The following FAM186A variants were observed in gnomAD, a reference collection of about 807,000 sequenced individuals.
FAM186A encodes protein FAM186A.
FAM186A carries 163 observed loss-of-function variants against 216.8 expected under a neutral mutation model. The observed-to-expected ratio is 0.75, with a 90% CI of 0.66 to 0.86. The LOEUF (loss-of-function observed/expected upper bound fraction) is 0.86. Among genes scored for constraint, FAM186A ranks in the 40% least tolerant of loss-of-function variants. The probability of loss-of-function intolerance (pLI) is 0.00; values close to 1 mark genes in which losing one functional copy is unlikely to be tolerated. For synonymous variants in FAM186A, 805 were observed against 1,025.3 expected, an observed-to-expected ratio of 0.79 and a Z score of 4.10; for missense variants, 2,184 against 2,746.2, an observed-to-expected ratio of 0.80 and a Z score of 4.58.
chr12:50,354,960 A>G lies in FAM186A; in HGVS notation c.1872T>C (p.Thr624=), dbSNP rs1474746356. 1.3e-6 allele frequency: 2 copies of G among 1,549,656 alleles called. No homozygotes were observed. Among genetic ancestry groups the G allele is most frequent in the African/African-American group, 2.7e-5 (2 of 72,768 alleles). ...SGTITSKEEK[T]EEKEELTKQV... ...GTTTGGTCAACTCTTCCTTCTCTTC[A>G]GTTTTTTCTTCTTTGCTTGTGATAG... The change falls in exon 4 of 8, where the codon ACT becomes ACC. Residue 624 remains threonine (T), a synonymous_variant. Coordinates refer to ENST00000327337, the MANE Select transcript of FAM186A (RefSeq NM_001145475.3).
intron 4 of FAM186A, among the ~76,000 whole-genome samples, chr12:50,346,262 A>AAAGAAAGAAAGT (rs1436973309): frequency 1.3e-5 from 2 of 150,792 alleles, no homozygotes; most frequent in East Asian, 2.0e-4. Context: ...AGAAAGAAAG[A>AAAGAAAGAAAGT]AAGTCATACA....
intron 2 of FAM186A, among the ~76,000 whole-genome samples, chr12:50,362,900 G>A (rs1000139337): frequency 6.6e-6 from 1 of 152,086 alleles, no homozygotes; most frequent in Non-Finnish European, 1.5e-5. Flanking sequence ...TAAGGGAATA[G>A]TATGCATAAA....
intron 1 of FAM186A, among the ~76,000 whole-genome samples, chr12:50,377,276 A>C (rs933690657): frequency 2.6e-5 from 4 of 152,240 alleles, no homozygotes; most frequent in Non-Finnish European, 5.9e-5. Context: ...AATTTTTGAC[A>C]GAGGTGCAAA....
intron 1 of FAM186A, among the ~76,000 whole-genome samples, chr12:50,369,934 C>G (rs1332138384): frequency 2.6e-5 from 4 of 151,594 alleles, no homozygotes; most frequent in African/African-American, 7.3e-5. Flanking sequence ...ACCATCCTGA[C>G]TAACACAGTG....
chr12:50,394,583 A>T lies in FAM186A; in HGVS notation c.192+1710T>A, dbSNP rs189684265. 1.8e-4 allele frequency among the ~76,000 whole-genome samples: 28 copies of T among 151,610 alleles called. 1 individual carries two copies. The highest frequency in any genetic ancestry group is 3.7e-4 in the Non-Finnish European group (25 of 67,904). On this transcript the variant is annotated intron_variant, in intron 1 of 7. Transcript: ENST00000327337. ...AAAAAATCTATTTATCTATCTATCT[A>T]TCTACCTATCTACCTATAGAGAGAG...
At chr12:50,376,746 CTTT>C (rs55712994) in intron 1 of FAM186A, among the ~76,000 whole-genome samples, 6 of 142,706 alleles carry the variant, frequency 4.2e-5, no homozygotes, top group Non-Finnish European at 6.1e-5. Flanking sequence ...CTCTCTCTCT[CTTT>C]TTTTTTTTTT....
chr12:50,348,319 G>C (rs1942841603), intron 4 of FAM186A, among the ~76,000 whole-genome samples: 2 of 151,396 alleles, frequency 1.3e-5, no homozygotes, highest in Admixed American at 1.3e-4. Context: ...GATTACAGTT[G>C]CCCACCACAC....
chr12:50,379,209 G>A (rs1943229931), intron 1 of FAM186A, among the ~76,000 whole-genome samples: 1 of 152,070 alleles, frequency 6.6e-6, no homozygotes, highest in Non-Finnish European at 1.5e-5. Context: ...GGGAGGCCGA[G>A]GTGGGTGGAT....
rs1942945122 is a variant in FAM186A, at chr12:50,354,132, C to T, written c.2700G>A (p.Gln900=). 6.4e-7 allele frequency: 1 copy of T among 1,551,622 alleles called. No individual in the cohort carries two copies. Among genetic ancestry groups the T allele is most frequent in the Non-Finnish European group, 8.7e-7 (1 of 1,147,012 alleles). The part of the protein sequence containing the change: ...KEEQKQATPK[Q]AEQEEKQKQR... ...GCTTTTGCTTTTCCTCTTGCTCAGCCTGCTTTGGAGTTGCCTGTTTTTGCT... is the reference window on the plus strand; with the variant it reads ...GCTTTTGCTTTTCCTCTTGCTCAGCTTGCTTTGGAGTTGCCTGTTTTTGCT... Residue 900 remains glutamine (Q), a synonymous_variant, in exon 4 of 8, where the codon CAG becomes CAA. Transcript: ENST00000327337.
intron 7 of FAM186A, 101 bp from the exon 8 acceptor site, chr12:50,327,505 T>A: frequency 4.2e-6 from 3 of 720,884 alleles, no homozygotes; most frequent in Non-Finnish European, 6.9e-6. Flanking sequence ...CCTCCAGAAC[T>A]CAAAAAGATA....
In FAM186A at chr12:50,334,038, A is replaced by G; in HGVS notation, c.6569T>C (p.Leu2190Pro). The G allele has an allele frequency of 1.3e-6, 2 of 1,551,594 alleles. No individual in the cohort carries two copies. Among genetic ancestry groups the G allele is most frequent in the African/African-American group, 1.4e-5 (1 of 73,138 alleles). ...ATCAAGTCTGCTCAGCATCATGTGG[A>G]GGTTCCTGGCCTCATAGCCTTTCCC... ...NTGKGYEARN[L>P]HMMLSRLDDY... The change falls in exon 5 of 8, where the codon CTC (leucine) becomes CCC (proline). Residue 2190 changes from leucine to proline, a missense_variant. Leu to Pro is a moderately conservative substitution (Grantham distance 98). This residue lies in a region of FAM186A where 721 missense variants were observed against 816.4 expected (regional missense o/e 0.88). Coordinates refer to ENST00000327337, the MANE Select transcript of FAM186A (RefSeq NM_001145475.3).
intron 1 of FAM186A, among the ~76,000 whole-genome samples, chr12:50,390,989 C>G (rs1185631526): frequency 6.6e-6 from 1 of 151,788 alleles, no homozygotes; most frequent in Non-Finnish European, 1.5e-5. Flanking sequence ...CATGCCCTAC[C>G]TCCTTTTTTT....
intron 4 of FAM186A, among the ~76,000 whole-genome samples, chr12:50,339,978 C>T (rs997968069): frequency 6.6e-6 from 1 of 152,168 alleles, no homozygotes; most frequent in African/African-American, 2.4e-5. Context: ...GCTGGGATTA[C>T]AGGCACCTGC....
At chr12:50,387,963 T>C (rs954993057) in intron 1 of FAM186A, among the ~76,000 whole-genome samples, 2 of 152,186 alleles carry the variant, frequency 1.3e-5, no homozygotes, top group African/African-American at 4.8e-5. Flanking sequence ...CCTATATCAC[T>C]TTCATATTCT....
chr12:50,355,996 A>T lies in FAM186A; in HGVS notation c.836T>A (p.Leu279Ter). The change falls in exon 4 of 8, where the codon TTA becomes TAA. Residue 279 changes from leucine (L) to a stop codon, truncating the protein, a stop_gained. Coordinates refer to ENST00000327337, the MANE Select transcript of FAM186A (RefSeq NM_001145475.3). LOFTEE classifies it high-confidence loss of function. ...GGAACTTTGGAAGTTAACACATTTT[A>T]ATTCATCATTTAGCATACTCAAAGC... ...STALSMLNDELKCVNFQSSTV... is the reference protein window; with the variant it reads ...STALSMLNDE 1 of 1,551,612 alleles carries T rather than the reference A, an allele frequency of 6.4e-7. No individual in the cohort carries two copies. Among genetic ancestry groups the T allele is most frequent in the African/African-American group, 1.4e-5 (1 of 73,176 alleles).
chr12:50,363,394 A>G, intron 1 of FAM186A, 30 bp from the exon 2 acceptor site: 2 of 1,507,386 alleles, frequency 1.3e-6, no homozygotes, highest in Non-Finnish European at 1.8e-6. Context: ...GCATGTATTA[A>G]TCTTCAGTTT....
chr12:50,329,482 C>T (rs1942635169), intron 7 of FAM186A, among the ~76,000 whole-genome samples: 1 of 151,980 alleles, frequency 6.6e-6, no homozygotes, highest in Non-Finnish European at 1.5e-5. Flanking sequence ...TGATATATGA[C>T]TTTATACTGT....
chr12:50,385,663 G>A (rs551133161), intron 1 of FAM186A, among the ~76,000 whole-genome samples: 10 of 152,194 alleles, frequency 6.6e-5, no homozygotes, highest in Non-Finnish European at 1.0e-4. Context: ...CACTTTGGGA[G>A]GCCGAGGTGG....
At chr12:50,362,864 GT>G (rs774869539) in intron 2 of FAM186A, among the ~76,000 whole-genome samples, 4 of 151,348 alleles carry the variant, frequency 2.6e-5, no homozygotes, top group Non-Finnish European at 5.9e-5. Context: ...TGAGCCATGT[GT>G]CCATCTGGTG....
Sources: gnomAD v4.1 joint callset for allele counts (sites outside exome capture counted in the v4.1 genomes callset) on GRCh38, gnomAD v4.1.1 for gene constraint, gnomAD v4.1.1 regional missense constraint, MANE v1.5 for transcripts, NCBI Gene and HGNC (gene_info 2026-07-23, HGNC 2026-07-21) for gene names.